PIKFYVE: variants seen among roughly 807,000 people sequenced by gnomAD.
PIKFYVE encodes phosphoinositide kinase, FYVE-type zinc finger containing.
In PIKFYVE, 122 loss-of-function variants were observed where a neutral mutation model predicts 257.9. That is an observed-to-expected ratio of 0.47 (90% CI 0.41 to 0.55). The LOEUF (loss-of-function observed/expected upper bound fraction) is 0.55, where lower values mean the gene tolerates loss of function less well. Ranked by LOEUF, PIKFYVE falls within the 20% of genes least tolerant of loss-of-function variation. The pLI, the probability that PIKFYVE is intolerant of heterozygous loss-of-function variation, is 0.00. For missense variants in PIKFYVE, 2,160 were observed against 2,536.6 expected, an observed-to-expected ratio of 0.85 and a Z score of 3.19; for synonymous variants, 892 against 868.9, an observed-to-expected ratio of 1.03 and a Z score of -0.47.
At chr2:208,295,969 C>T (rs549667844) in intron 7 of PIKFYVE, among the ~76,000 whole-genome samples, 31 of 151,916 alleles carry the variant, frequency 2.0e-4, no homozygotes, top group African/African-American at 5.3e-4. Flanking sequence ...AAAAGCTTTC[C>T]GTTGTTGGAG....
chr2:208,332,354 T>C (rs1697641749), intron 23 of PIKFYVE, among the ~76,000 whole-genome samples: 1 of 152,220 alleles, frequency 6.6e-6, no homozygotes, highest in Non-Finnish European at 1.5e-5. Context: ...TCTTAAATAT[T>C]GTTGGAGACT....
intron 35 of PIKFYVE, 115 bp downstream of exon 35, chr2:208,348,138 CCTCTGTT>C: frequency 7.6e-7 from 1 of 1,309,668 alleles, no homozygotes; most frequent in Non-Finnish European, 1.1e-6. Flanking sequence ...TGGGGCATTC[CCTCTGTT>C]CTCACTTGTC....
intron 12 of PIKFYVE, among the ~76,000 whole-genome samples, chr2:208,311,402 G>A (rs1694919908): frequency 6.6e-6 from 1 of 152,124 alleles, no homozygotes; most frequent in Non-Finnish European, 1.5e-5. Context: ...TATAAACATA[G>A]TAACTTTTAA....
At chr2:208,303,569 G>A (rs548702268) in intron 10 of PIKFYVE, among the ~76,000 whole-genome samples, 3 of 152,236 alleles carry the variant, frequency 2.0e-5, no homozygotes, top group East Asian at 1.9e-4. Context: ...CATCACAAAC[G>A]TCTTCATCCT....
intron 7 of PIKFYVE, among the ~76,000 whole-genome samples, chr2:208,293,838 T>A (rs1692627117): frequency 6.6e-6 from 1 of 152,074 alleles, no homozygotes; most frequent in Non-Finnish European, 1.5e-5. Context: ...TTTTTCAAGA[T>A]CTTTTTCTTT....
At chr2:208,315,019 A>T (rs1695333113) in intron 14 of PIKFYVE, among the ~76,000 whole-genome samples, 174 bp from the exon 15 acceptor site, 1 of 152,224 alleles carries the variant, frequency 6.6e-6, no homozygotes, top group Non-Finnish European at 1.5e-5. Context: ...TTTCATTTAT[A>T]TGCAAAATCC....
chr2:208,271,309 T>C (rs1057358708), intron 1 of PIKFYVE, among the ~76,000 whole-genome samples: 3 of 152,200 alleles, frequency 2.0e-5, no homozygotes, highest in Admixed American at 6.5e-5. Flanking sequence ...CAGATCATAG[T>C]TGTAGATGAT....
In PIKFYVE at chr2:208,318,040, A is replaced by G. The variant is rs577439255; in HGVS notation, c.2082+99A>G. 34 of 1,243,078 alleles carry G rather than the reference A, an allele frequency of 2.7e-5. No individual in the cohort carries two copies. In the African/African-American group the frequency reaches 4.4e-4, roughly 16 times the overall value. The allele number at this position is 1,243,078 out of a possible 1,614,324, so 77.0% of individuals were successfully genotyped here. A position where few individuals can be genotyped will look rare whatever the true frequency, so the allele number is the denominator to read the frequency against. On this transcript the variant is annotated intron_variant, in intron 16 of 41. Transcript: ENST00000264380. ...TAGTTATGGAAGAAATGGACAATGG[A>G]CAATGAAAGGCAGCTGTGTCTGCCA...
rs994111431 is a variant in PIKFYVE, at chr2:208,350,036, G to A, written c.5387G>A (p.Gly1796Glu). 1.2e-6 allele frequency: 2 copies of A among 1,611,722 alleles called. No individual in the cohort carries two copies. Among genetic ancestry groups the A allele is most frequent in the Non-Finnish European group, 1.7e-6 (2 of 1,178,594 alleles). Residue 1796 changes from glycine (G) to glutamate (E), a missense_variant, in exon 36 of 42, where the codon GGA becomes GAA. Gly to Glu is a moderately conservative substitution (Grantham distance 98). This residue lies in a region of PIKFYVE where 699 missense variants were observed against 855.8 expected (regional missense o/e 0.82). Transcript: ENST00000264380. ...QGVEPQDEVD[G>E]GDTQKKQLIN... ...TTAAACCTTTTAGATGAAGTAGATGGAGGAGATACACAAAAGAAGCAACTC... is the reference window on the plus strand; with the variant it reads ...TTAAACCTTTTAGATGAAGTAGATGAAGGAGATACACAAAAGAAGCAACTC...
chr2:208,348,682 C>T (rs1404198762), intron 35 of PIKFYVE, among the ~76,000 whole-genome samples: 1 of 149,412 alleles, frequency 6.7e-6, no homozygotes, highest in Non-Finnish European at 1.5e-5. Flanking sequence ...CAGGAATAGG[C>T]AGACTCTGAT....
chr2:208,328,074 C>T (rs1697135969), intron 20 of PIKFYVE, 106 bp from the exon 21 acceptor site: 4 of 1,590,150 alleles, frequency 2.5e-6, no homozygotes, highest in Non-Finnish European at 3.4e-6. Context: ...CCAGAGCCCC[C>T]ACAGTGATAA....
upstream of PIKFYVE, chr2:208,266,151 G>A (rs1395323457): frequency 2.6e-5 from 4 of 152,354 alleles, no homozygotes; most frequent in African/African-American, 9.6e-5. Flanking sequence ...TTCTGCCTGA[G>A]CATCTGATCC....
intron 23 of PIKFYVE, among the ~76,000 whole-genome samples, chr2:208,332,718 T>C (rs1404545288): frequency 5.3e-5 from 8 of 152,134 alleles, no homozygotes; most frequent in Non-Finnish European, 1.2e-4. Context: ...ACAAATATAC[T>C]GGCTGTGTGT....
chr2:208,323,884 G>C (rs922449107), intron 17 of PIKFYVE, among the ~76,000 whole-genome samples: 1 of 152,194 alleles, frequency 6.6e-6, no homozygotes, highest in Non-Finnish European at 1.5e-5. Flanking sequence ...TTTTTCATGT[G>C]TCTGTTGGGT....
intron 22 of PIKFYVE, among the ~76,000 whole-genome samples, chr2:208,330,124 A>G (rs1169315786): frequency 6.6e-6 from 1 of 152,168 alleles, no homozygotes; most frequent in Non-Finnish European, 1.5e-5. Context: ...ATCTCTGCCC[A>G]TCTAATTACC....
chr2:208,347,021 C>CAGCATTGT (rs1374173865), intron 34 of PIKFYVE, among the ~76,000 whole-genome samples: 4 of 152,154 alleles, frequency 2.6e-5, no homozygotes, highest in African/African-American at 4.8e-5. Context: ...AAGTAGGGAG[C>CAGCATTGT]AGCATTGTCC....
intron 18 of PIKFYVE, 58 bp from the exon 19 acceptor site, chr2:208,324,847 ATTAAAT>A: frequency 6.4e-7 from 1 of 1,571,732 alleles, no homozygotes; most frequent in Admixed American, 1.7e-5. Context: ...ACTTTTCCAG[ATTAAAT>A]TTACAAAGAT....
chr2:208,303,926 C>A (rs1003984798), intron 10 of PIKFYVE, among the ~76,000 whole-genome samples: 8 of 151,994 alleles, frequency 5.3e-5, no homozygotes, highest in African/African-American at 1.9e-4. Context: ...AAATCTGTAT[C>A]AAAAAAATGT....
intron 7 of PIKFYVE, among the ~76,000 whole-genome samples, chr2:208,295,988 G>A (rs1339892239): frequency 6.6e-6 from 1 of 152,040 alleles, no homozygotes; most frequent in Non-Finnish European, 1.5e-5. Flanking sequence ...AGAGTTTTGG[G>A]TGGAGTGTGG....
Sources: allele counts gnomAD v4.1 joint callset (sites outside exome capture counted in the v4.1 genomes callset), GRCh38; gene constraint gnomAD v4.1.1; regional missense constraint gnomAD v4.1.1; transcripts MANE v1.5; gene names NCBI Gene and HGNC (gene_info 2026-07-23, HGNC 2026-07-21).